PCDH15: variants seen among roughly 807,000 people sequenced by gnomAD.
PCDH15 encodes protocadherin related 15, also known as protocadherin-15.
In PCDH15, 129 loss-of-function variants were observed where a neutral mutation model predicts 178.5. The ratio of observed to expected loss-of-function variants is 0.72; its 90% CI spans 0.63 to 0.84. PCDH15 has a LOEUF of 0.84. PCDH15 is among the 40% of genes least tolerant of loss of function. The pLI is 0.00. For missense variants in PCDH15, 2,230 were observed against 2,099.9 expected (o/e 1.06, Z -1.21); for synonymous variants, 800 against 732.0 (o/e 1.09, Z -1.50).
intron 2 of PCDH15, among the ~76,000 whole-genome samples, chr10:55,158,095 TATAC>T (rs71014457): frequency 0.29 from 42,501 of 144,214 alleles, 6,250 homozygotes; most frequent in East Asian, 0.32. Context: ...TATATATATA[TATAC>T]ACATATCTTT....
chr10:54,667,242 G>T (rs1205703315), intron 1 of PCDH15, among the ~76,000 whole-genome samples: 1 of 151,534 alleles, frequency 6.6e-6, no homozygotes, highest in African/African-American at 2.4e-5. Flanking sequence ...CACTTCAATG[G>T]GCTCAATATT....
At chr10:54,581,398 A>G (rs936614481) in intron 2 of PCDH15, among the ~76,000 whole-genome samples, 4 of 152,122 alleles carry the variant, frequency 2.6e-5, no homozygotes, top group African/African-American at 7.2e-5. Flanking sequence ...GATCTCTGTA[A>G]TAACTACACA....
At chr10:54,596,843 A>G (rs1405084201) in intron 2 of PCDH15, among the ~76,000 whole-genome samples, 1 of 152,180 alleles carries the variant, frequency 6.6e-6, no homozygotes, top group African/African-American at 2.4e-5. Context: ...AAAATAAGAA[A>G]TGGCAAAGAA....
chr10:55,230,561 G>A (rs1221244134), intron 1 of PCDH15, among the ~76,000 whole-genome samples: 1 of 152,038 alleles, frequency 6.6e-6, no homozygotes, highest in Non-Finnish European at 1.5e-5. Flanking sequence ...TGAAGACAGA[G>A]TTTGCAAAGA....
intron 22 of PCDH15, among the ~76,000 whole-genome samples, chr10:53,961,104 A>G (rs2088256831): frequency 2.6e-5 from 4 of 152,266 alleles, no homozygotes; most frequent in Admixed American, 2.6e-4. Context: ...ATATTTTCCT[A>G]GATATATGCA....
intron 1 of PCDH15, among the ~76,000 whole-genome samples, chr10:54,798,792 A>C (rs1952330578): frequency 6.6e-6 from 1 of 152,096 alleles, no homozygotes; most frequent in Admixed American, 6.6e-5. Context: ...GCTACAATAA[A>C]ATGTAAATGT....
rs1334949478 is a variant in PCDH15 at position 55,307,049 on chromosome 10, C to T, written c.-156+12550G>A. Among the ~76,000 whole-genome samples the T allele has an allele frequency of 3.3e-5, 5 of 151,484 alleles. No homozygotes were observed. The East Asian group carries it at 9.7e-4, about 29-fold the overall frequency. On this transcript the variant is annotated intron_variant, in intron 1 of 5. Coordinates refer to the PCDH15 transcript ENST00000458638. The stretch of plus-strand genomic sequence containing the variant: ...TCCTAAAGGAATAATTGTAATAATG[C>T]TATCATTATGTCTTCTCAATAAAAT...
intron 18 of PCDH15, among the ~76,000 whole-genome samples, chr10:54,061,382 C>T (rs2094009599): frequency 2.0e-5 from 3 of 152,172 alleles, no homozygotes; most frequent in Non-Finnish European, 4.4e-5. Flanking sequence ...CCCATCTGAA[C>T]TCAATGTATT....
intron 3 of PCDH15, chr10:54,486,465 TTAAG>T (rs757719463): frequency 6.6e-6 from 1 of 152,102 alleles, no homozygotes; most frequent in South Asian, 2.1e-4. Context: ...TGATGTATAA[TTAAG>T]TAATTTACAT....
intron 3 of PCDH15, among the ~76,000 whole-genome samples, chr10:54,891,899 A>G (rs1954468236): frequency 1.3e-5 from 2 of 152,108 alleles, no homozygotes; most frequent in Admixed American, 6.6e-5. Context: ...GCCCTAATCA[A>G]GGTCACAAAT....
At chr10:55,135,444 C>T (rs1417679174) in intron 2 of PCDH15, among the ~76,000 whole-genome samples, 2 of 152,138 alleles carry the variant, frequency 1.3e-5, no homozygotes, top group African/African-American at 4.8e-5. Flanking sequence ...GCTCCACTCC[C>T]TAAACACAAT....
intron 2 of PCDH15, among the ~76,000 whole-genome samples, chr10:55,546,838 G>T (rs1370812234): frequency 6.6e-6 from 1 of 152,046 alleles, no homozygotes; most frequent in Non-Finnish European, 1.5e-5. Flanking sequence ...GACGGAATTA[G>T]AATAACAAGA....
At chr10:55,142,848 G>T (rs991201269) in intron 2 of PCDH15, among the ~76,000 whole-genome samples, 1 of 151,820 alleles carries the variant, frequency 6.6e-6, no homozygotes, top group Non-Finnish European at 1.5e-5. Context: ...AGAAATTTGA[G>T]AGATGGAGTG....
At chr10:54,840,846 A>G (rs1261200391) in intron 3 of PCDH15, among the ~76,000 whole-genome samples, 1 of 151,888 alleles carries the variant, frequency 6.6e-6, no homozygotes, top group African/African-American at 2.4e-5. Context: ...ATCAATATAT[A>G]ACAACAAAAG....
intron 1 of PCDH15, among the ~76,000 whole-genome samples, chr10:55,233,729 C>G (rs897803844): frequency 5.3e-5 from 8 of 151,964 alleles, no homozygotes; most frequent in Non-Finnish European, 1.2e-4. Flanking sequence ...GGTTTCATGC[C>G]TTCATGAGCA....
chr10:54,165,815 A>T (rs898574461), intron 13 of PCDH15, among the ~76,000 whole-genome samples: 1 of 152,208 alleles, frequency 6.6e-6, no homozygotes, highest in African/African-American at 2.4e-5. Flanking sequence ...CCATTTATTC[A>T]GACCTTAATT....
chr10:54,325,619 C>T (rs552783426), intron 7 of PCDH15, among the ~76,000 whole-genome samples: 29 of 152,090 alleles, frequency 1.9e-4, no homozygotes, highest in East Asian at 7.8e-4. Context: ...TATGGTTGCA[C>T]GCATCTGTAA....
intron 13 of PCDH15, among the ~76,000 whole-genome samples, chr10:54,175,047 A>C (rs1250715440): frequency 2.6e-5 from 4 of 152,198 alleles, no homozygotes; most frequent in African/African-American, 9.6e-5. Context: ...AAATAAATTA[A>C]AATTGTGTAC....
intron 1 of PCDH15, among the ~76,000 whole-genome samples, chr10:54,796,098 T>C (rs1172023623): frequency 6.6e-6 from 1 of 151,828 alleles, no homozygotes; most frequent in Non-Finnish European, 1.5e-5. Context: ...TTCTTTACCA[T>C]CAATTCTCTA....
Sources: gnomAD v4.1 joint callset for allele counts (sites outside exome capture counted in the v4.1 genomes callset) on GRCh38, gnomAD v4.1.1 for gene constraint, MANE v1.5 for transcripts, NCBI Gene and HGNC (gene_info 2026-07-23, HGNC 2026-07-21) for gene names.